The following NKAIN3 variants were observed in gnomAD, a reference collection of about 807,000 sequenced individuals.
NKAIN3 encodes the protein sodium/potassium-transporting ATPase subunit beta-1-interacting protein 3.
In NKAIN3, 25 loss-of-function variants were observed where a neutral mutation model predicts 30.2. That is an observed-to-expected ratio of 0.83 (90% CI 0.60 to 1.16). NKAIN3 has a LOEUF of 1.16. NKAIN3 is among the 50% of genes most tolerant of loss of function. The pLI is 0.00. For missense variants in NKAIN3, 225 were observed against 254.1 expected (o/e 0.89, Z 0.78); for synonymous variants, 91 against 89.6 (o/e 1.02, Z -0.09).
intron 1 of NKAIN3, among the ~76,000 whole-genome samples, chr8:62,249,511 TTTC>T (rs1242516923): frequency 6.6e-6 from 1 of 152,250 alleles, no homozygotes; most frequent in East Asian, 1.9e-4. Flanking sequence ...TTGCGGGCTC[TTTC>T]TTCTTAGGAT....
chr8:62,251,436 T>C (rs1438426593), intron 1 of NKAIN3, among the ~76,000 whole-genome samples: 4 of 152,150 alleles, frequency 2.6e-5, no homozygotes, highest in African/African-American at 9.7e-5. Context: ...GCAGAATCTT[T>C]TTGCTGAGTT....
chr8:62,867,250 A>G (rs1820455645), intron 4 of NKAIN3, among the ~76,000 whole-genome samples: 1 of 152,152 alleles, frequency 6.6e-6, no homozygotes, highest in South Asian at 2.1e-4. Context: ...TCACTGCTAC[A>G]TCATGTCATA....
Position 62,722,440 on chromosome 8 carries a change from C to G in NKAIN3, c.274-24492C>G, listed in dbSNP as rs573649353. Among the ~76,000 whole-genome samples, 3 of 152,102 alleles carry G rather than the reference C, an allele frequency of 2.0e-5. No homozygotes were observed. The East Asian group carries it at 5.8e-4, about 29-fold the overall frequency. The stretch of plus-strand genomic sequence containing the variant: ...TAACCCTCATTATCATTCCTCCCAA[C>G]AAATTAAATAGGAATACTACAAAAT... On this transcript the variant is annotated intron_variant, in intron 3 of 6. Coordinates refer to ENST00000623646, the MANE Select transcript of NKAIN3 (RefSeq NM_001304533.3).
rs555175048 is a variant in NKAIN3, at chr8:62,795,522, G to A, written c.471+48393G>A. ...CAAGCAGTCTTAAGTTTAGATCCCA[G>A]CTCCAGAATTTACTCGCTATAGAAC... On this transcript the variant is annotated intron_variant, in intron 4 of 6. Transcript: ENST00000623646. 2.6e-3 allele frequency among the ~76,000 whole-genome samples: 395 copies of A among 152,146 alleles called. 2 individuals carry two copies. Among genetic ancestry groups the A allele is most frequent in the African/African-American group, 8.7e-3 (361 of 41,534 alleles).
intron 1 of NKAIN3, among the ~76,000 whole-genome samples, chr8:62,267,340 CTTT>C (rs2129391559): frequency 6.6e-6 from 1 of 152,196 alleles, no homozygotes; most frequent in African/African-American, 2.4e-5. Context: ...AGTTTGTTTC[CTTT>C]TTAATAGATT....
intron 1 of NKAIN3, among the ~76,000 whole-genome samples, chr8:62,397,330 A>G (rs546210665): frequency 2.2e-4 from 32 of 148,518 alleles, no homozygotes; most frequent in Middle Eastern, 3.5e-3. Flanking sequence ...TGGAACAAAG[A>G]TGTGTTAGTA....
At chr8:62,448,644 A>G (rs939385289) in intron 1 of NKAIN3, among the ~76,000 whole-genome samples, 20 of 151,914 alleles carry the variant, frequency 1.3e-4, no homozygotes, top group Non-Finnish European at 2.7e-4. Context: ...TTTGAAACAA[A>G]CTCATTAGAA....
chr8:62,527,575 A>T (rs374991754), intron 1 of NKAIN3, among the ~76,000 whole-genome samples: 6 of 152,214 alleles, frequency 3.9e-5, no homozygotes, highest in African/African-American at 1.4e-4. Flanking sequence ...TACTACCATT[A>T]TGAGTTAATT....
intron 1 of NKAIN3, among the ~76,000 whole-genome samples, chr8:62,546,984 C>T (rs1379807356): frequency 2.0e-5 from 3 of 152,060 alleles, no homozygotes; most frequent in Non-Finnish European, 4.4e-5. Flanking sequence ...TTTGTGGAGA[C>T]CTGGTGCAGC....
Position 62,589,764 on chromosome 8 carries a change from CT to C in NKAIN3, c.247del (p.Tyr83IlefsTer4). On this transcript the variant is annotated frameshift_variant, in exon 3 of 7. Transcript: ENST00000623646. LOFTEE classifies it high-confidence loss of function. ...WVTWNVFIIC[F>X]YLEVGGLSKD... ...TCACCTGGAATGTGTTCATTATCTG[CT>C]TTTATTTGGAAGTAGGTGGACTCTC... 1 of 1,604,480 alleles carries C rather than the reference CT, an allele frequency of 6.2e-7. No individual in the cohort carries two copies. Among genetic ancestry groups the C allele is most frequent in the Non-Finnish European group, 8.5e-7 (1 of 1,173,618 alleles).
At chr8:62,985,684 C>T (rs1221878259), downstream of NKAIN3, among the ~76,000 whole-genome samples, 2 of 151,990 alleles carry the variant, frequency 1.3e-5, no homozygotes, top group South Asian at 4.1e-4. Flanking sequence ...CCAGATCAGA[C>T]TTTCCCAAAA....
chr8:62,608,905 A>G (rs1254493038), intron 3 of NKAIN3, among the ~76,000 whole-genome samples: 1 of 152,176 alleles, frequency 6.6e-6, no homozygotes, highest in Non-Finnish European at 1.5e-5. Context: ...TAGCTATGCT[A>G]TGGACAATAA....
intron 3 of NKAIN3, among the ~76,000 whole-genome samples, chr8:62,746,395 G>T (rs1816071849): frequency 6.6e-6 from 1 of 152,164 alleles, no homozygotes; most frequent in Non-Finnish European, 1.5e-5. Flanking sequence ...GCCTTATAAG[G>T]TAAAATTCAC....
chr8:62,578,039 C>T lies in NKAIN3; in HGVS notation c.55-1500C>T, dbSNP rs374010230. Among the ~76,000 whole-genome samples, 19 of 152,196 alleles carry T rather than the reference C, an allele frequency of 1.2e-4. No homozygotes were observed. In the East Asian group the frequency reaches 3.5e-3, roughly 28 times the overall value. On this transcript the variant is annotated intron_variant, in intron 1 of 6. Transcript: ENST00000623646. The stretch of plus-strand genomic sequence containing the variant: ...AGAAAAATACCCAGGGAGCCATTTT[C>T]ATTTCAAAGCTGCAGTTTCCAGTGC...
chr8:62,422,476 TTAAC>T (rs1355530762), intron 1 of NKAIN3, among the ~76,000 whole-genome samples: 28 of 152,300 alleles, frequency 1.8e-4, no homozygotes, highest in African/African-American at 6.5e-4. Flanking sequence ...TCAGTTTTGA[TTAAC>T]ATATCAGTGA....
intron 3 of NKAIN3, among the ~76,000 whole-genome samples, chr8:62,630,589 G>C (rs1337946703): frequency 1.3e-5 from 2 of 152,158 alleles, no homozygotes; most frequent in African/African-American, 4.8e-5. Context: ...GATGGGGTGT[G>C]TATCCAGAAC....
intron 1 of NKAIN3, among the ~76,000 whole-genome samples, chr8:62,397,081 C>A (rs577494952): frequency 6.6e-6 from 1 of 152,246 alleles, no homozygotes; most frequent in African/African-American, 2.4e-5. Context: ...TCTCCCAGCA[C>A]AAAAGTGGTG....
chr8:62,813,797 T>A (rs943685919), intron 4 of NKAIN3, among the ~76,000 whole-genome samples: 4 of 152,174 alleles, frequency 2.6e-5, no homozygotes, highest in African/African-American at 9.6e-5. Flanking sequence ...TATTTTTGCT[T>A]CCTGATGTAG....
chr8:62,938,881 A>C (rs1483131980), intron 5 of NKAIN3, among the ~76,000 whole-genome samples: 1 of 152,238 alleles, frequency 6.6e-6, no homozygotes, highest in African/African-American at 2.4e-5. Flanking sequence ...GCTCACCAGC[A>C]ATGGACCGAA....
Sources: gnomAD v4.1 joint callset for allele counts (sites outside exome capture counted in the v4.1 genomes callset) on GRCh38, gnomAD v4.1.1 for gene constraint, MANE v1.5 for transcripts, NCBI Gene and HGNC (gene_info 2026-07-23, HGNC 2026-07-21) for gene names.